ANKRD55: variants seen among roughly 807,000 people sequenced by gnomAD.
The protein encoded by ANKRD55 is ankyrin repeat domain 55.
A neutral mutation model predicts 60.6 loss-of-function variants in ANKRD55; 41 were observed. The observed-to-expected ratio is 0.68, with a 90% confidence interval of 0.53 to 0.88. The LOEUF is 0.88. Among genes scored for constraint, ANKRD55 ranks in the 40% least tolerant of loss-of-function variants. The pLI, the probability that ANKRD55 is intolerant of heterozygous loss-of-function variation, is 0.00. For synonymous variants in ANKRD55, 264 were observed against 290.3 expected (o/e 0.91, Z 0.92); for missense variants, 732 against 767.6 (o/e 0.95, Z 0.55).
chr5:56,166,027 G>A lies in ANKRD55; in HGVS notation c.422+4667C>T, dbSNP rs1260771641. Among the ~76,000 whole-genome samples, 5 of 152,160 alleles carry A rather than the reference G, an allele frequency of 3.3e-5. No individual in the cohort carries two copies. In the South Asian group the frequency reaches 6.2e-4, roughly 19 times the overall value. On this transcript the variant is annotated intron_variant, in intron 5 of 11. Transcript: ENST00000341048. ...CTGGAGCCAGATTTAAACTCAGTCA[G>A]TCTGACTCATACTCATGAGCTGGCA... is the stretch of plus-strand genomic sequence containing the variant.
intron 2 of ANKRD55, among the ~76,000 whole-genome samples, chr5:56,226,993 T>C (rs943309011): frequency 6.6e-6 from 1 of 152,086 alleles, no homozygotes; most frequent in African/African-American, 2.4e-5. Flanking sequence ...ACTGGGTATA[T>C]ACCCAAAGGA....
Position 56,100,319 on chromosome 5 carries a change from T to C in ANKRD55, c.1724-15A>G, listed in dbSNP as rs757633139. 1.2e-5 allele frequency: 19 copies of C among 1,613,910 alleles called. No homozygotes were observed. In the African/African-American group the frequency reaches 1.7e-4, roughly 15 times the overall value. Reference sequence around the variant, plus strand: ...TCCAGATAGAACTGGGAAGAAAGAATAGAACAAGAGACTTTCAAGATTTGC... The same window carrying C: ...TCCAGATAGAACTGGGAAGAAAGAACAGAACAAGAGACTTTCAAGATTTGC... On this transcript the variant is annotated splice_polypyrimidine_tract_variant and intron_variant, in intron 11 of 11. Coordinates refer to ENST00000341048, the MANE Select transcript of ANKRD55 (RefSeq NM_024669.3).
At chr5:56,109,079 A>ACC (rs1410392697) in intron 10 of ANKRD55, among the ~76,000 whole-genome samples, 129 of 140,324 alleles carry the variant, frequency 9.2e-4, no homozygotes, top group African/African-American at 3.1e-3. Flanking sequence ...ACACACACAC[A>ACC]CCCCACCGCC....
At chr5:56,226,200 T>G (rs1760106714) in intron 2 of ANKRD55, among the ~76,000 whole-genome samples, 1 of 152,156 alleles carries the variant, frequency 6.6e-6, no homozygotes, top group Non-Finnish European at 1.5e-5. Context: ...CATCTGATCT[T>G]TGAGAAATCT....
intron 2 of ANKRD55, among the ~76,000 whole-genome samples, chr5:56,228,730 C>T (rs978822824): frequency 6.6e-6 from 1 of 152,152 alleles, no homozygotes; most frequent in Admixed American, 6.5e-5. Flanking sequence ...CGGCCTGCTG[C>T]TGACATCTTG....
rs542462843 is a variant in ANKRD55, at chr5:56,204,632, C to T, written c.59-20998G>A. The stretch of plus-strand genomic sequence containing the variant: ...GATTGTAAGTTTCCTGAGGCCTCCC[C>T]GACACTGCAGACCTGTGAGTCAATT... On this transcript the variant is annotated intron_variant, in intron 2 of 11. Coordinates refer to ENST00000341048, the MANE Select transcript of ANKRD55 (RefSeq NM_024669.3). 4.8e-4 allele frequency among the ~76,000 whole-genome samples: 73 copies of T among 152,138 alleles called. No individual in the cohort carries two copies. The South Asian group carries it at 8.3e-3, about 17-fold the overall frequency.
chr5:56,196,625 G>A lies in ANKRD55; in HGVS notation c.59-12991C>T, dbSNP rs1759235881. On this transcript the variant is annotated intron_variant, in intron 2 of 11. Coordinates refer to ENST00000341048, the MANE Select transcript of ANKRD55 (RefSeq NM_024669.3). ...TGTTCATTTGAACTGTATCAGGCTT[G>A]GAGTTAGTCATTTAGCATTATTTCC... is the stretch of plus-strand genomic sequence containing the variant. 2.6e-5 allele frequency among the ~76,000 whole-genome samples: 4 copies of A among 152,120 alleles called. No homozygotes were observed. The South Asian group carries it at 8.3e-4, about 32-fold the overall frequency.
At chr5:56,116,011 T>C (rs927310263) in intron 9 of ANKRD55, among the ~76,000 whole-genome samples, 2 of 151,920 alleles carry the variant, frequency 1.3e-5, no homozygotes, top group Non-Finnish European at 1.5e-5. Flanking sequence ...CCCACCACCA[T>C]GCCTGGCTAA....
chr5:56,107,805 T>A (rs766661347), intron 10 of ANKRD55, among the ~76,000 whole-genome samples: 2 of 152,058 alleles, frequency 1.3e-5, no homozygotes, highest in African/African-American at 4.8e-5. Flanking sequence ...ATGTTGCTTA[T>A]GATTGTGGAG....
intron 2 of ANKRD55, among the ~76,000 whole-genome samples, chr5:56,210,560 CAAAAAAA>C (rs59566826): frequency 4.6e-5 from 3 of 65,156 alleles, no homozygotes; most frequent in Non-Finnish European, 6.4e-5. Flanking sequence ...GACTACGTCT[CAAAAAAA>C]AAAAAAAAAA....
intron 4 of ANKRD55, among the ~76,000 whole-genome samples, chr5:56,172,428 C>G (rs1758630460): frequency 1.3e-5 from 2 of 151,834 alleles, no homozygotes; most frequent in Admixed American, 1.3e-4. Context: ...ACTCAGAGAC[C>G]CAAAAGAAAG....
At position 56,111,272 on chromosome 5, in the gene ANKRD55, G is replaced by A. The variant is rs202112813; in HGVS notation, c.1476C>T (p.Asn492=). The A allele has an allele frequency of 3.7e-6, 6 of 1,614,152 alleles. No individual in the cohort carries two copies. The highest frequency in any genetic ancestry group is 4.2e-6 in the Non-Finnish European group (5 of 1,180,032). Residue 492 remains asparagine, a synonymous_variant, in exon 10 of 12, where the codon AAC becomes AAT. Coordinates refer to ENST00000341048, the MANE Select transcript of ANKRD55 (RefSeq NM_024669.3). ...NRTGCQMLLD[N]PWKSDSNQVF... Reference sequence around the variant, plus strand: ...CCTGATTAGAATCACTCTTCCAGGGGTTATCTAGTAACATCTGGCAGCCAG... The same window carrying A: ...CCTGATTAGAATCACTCTTCCAGGGATTATCTAGTAACATCTGGCAGCCAG...
chr5:56,116,833 C>T (rs1451040526), intron 8 of ANKRD55, 51 bp from the exon 9 acceptor site: 1 of 1,474,160 alleles, frequency 6.8e-7, no homozygotes, highest in Non-Finnish European at 9.0e-7. Context: ...GTGAATTGTT[C>T]AGGCTGCTTA....
At chr5:56,103,695 T>G (rs964170153) in intron 10 of ANKRD55, among the ~76,000 whole-genome samples, 4 of 152,186 alleles carry the variant, frequency 2.6e-5, no homozygotes, top group Non-Finnish European at 5.9e-5. Context: ...GCATTTAGCT[T>G]ATAGGGTAAA....
chr5:56,165,123 G>A lies in ANKRD55; in HGVS notation c.423-5230C>T, dbSNP rs183172925. On this transcript the variant is annotated intron_variant, in intron 5 of 11. Transcript: ENST00000341048. ...GAGCTTGCTGTTTGGAAATCTAAGT[G>A]TTAGCAGATTTTAAATCAGTATAAA... Among the ~76,000 whole-genome samples, 132 of 152,306 alleles carry A rather than the reference G, an allele frequency of 8.7e-4. 4 individuals carry two copies. In the Middle Eastern group the frequency reaches 0.02, roughly 24 times the overall value.
rs908049356 is a variant in ANKRD55 at position 56,159,795 on chromosome 5, T to C, written c.483+38A>G. The stretch of plus-strand genomic sequence containing the variant: ...AAACGCCCTTCCTTTCACCCTCACA[T>C]GCAAAATGACCACTTGTTGCTTGAG... On this transcript the variant is annotated intron_variant, in intron 6 of 11. Transcript: ENST00000341048. 1.4e-5 allele frequency: 22 copies of C among 1,605,874 alleles called. No homozygotes were observed. In the African/African-American group the frequency reaches 2.5e-4, roughly 19 times the overall value.
chr5:56,106,497 C>G (rs1031549436), intron 10 of ANKRD55, among the ~76,000 whole-genome samples: 14 of 143,906 alleles, frequency 9.7e-5, no homozygotes, highest in Non-Finnish European at 1.6e-4. Flanking sequence ...GATCTCGGCT[C>G]ACTGCAACCT....
rs775651486 is a variant in ANKRD55, at chr5:56,116,812, C to G, written c.798-30G>C. 7 of 1,551,448 alleles carry G rather than the reference C, an allele frequency of 4.5e-6. No homozygotes were observed. The African/African-American group carries it at 6.9e-5, about 15-fold the overall frequency. ...AGGGGCCATGTGAAAAAAGCACAAG[C>G]GTCTGAGCATGTGAATTGTTCAGGC... On this transcript the variant is annotated intron_variant, in intron 8 of 11. Coordinates refer to ENST00000341048, the MANE Select transcript of ANKRD55 (RefSeq NM_024669.3).
chr5:56,228,962 C>T (rs1469241168), intron 2 of ANKRD55, among the ~76,000 whole-genome samples: 6 of 152,132 alleles, frequency 3.9e-5, no homozygotes, highest in Non-Finnish European at 7.4e-5. Flanking sequence ...GCAAACACAC[C>T]GCTCAGCCTC....
Sources: allele counts gnomAD v4.1 joint callset (sites outside exome capture counted in the v4.1 genomes callset), GRCh38; gene constraint gnomAD v4.1.1; transcripts MANE v1.5; gene names NCBI Gene and HGNC (gene_info 2026-07-23, HGNC 2026-07-21).